Variants in NAV2 observed in about 807,000 individuals in gnomAD.
NAV2 encodes neuron navigator 2.
In NAV2, 54 loss-of-function variants were observed where a neutral mutation model predicts 223.2. That is an observed-to-expected ratio of 0.24 (90% CI 0.19 to 0.30). NAV2 has a LOEUF of 0.30. NAV2 is among the 10% of genes least tolerant of loss of function. The probability of loss-of-function intolerance (pLI) is 1.00; values close to 1 mark genes in which losing one functional copy is unlikely to be tolerated. For synonymous variants in NAV2, 1,279 were observed against 1,239.3 expected (o/e 1.03, Z -0.67); for missense variants, 2,806 against 3,147.5 (o/e 0.89, Z 2.60).
chr11:19,973,656 C>A (rs193225382), intron 10 of NAV2, among the ~76,000 whole-genome samples: 2 of 152,102 alleles, frequency 1.3e-5, no homozygotes, highest in African/African-American at 4.8e-5. Flanking sequence ...TGAGCCACTG[C>A]GGAATTGGTT....
At chr11:19,410,439 T>C (rs919999922) in intron 1 of NAV2, among the ~76,000 whole-genome samples, 6 of 152,194 alleles carry the variant, frequency 3.9e-5, no homozygotes, top group Non-Finnish European at 8.8e-5. Flanking sequence ...GCAGTTATTA[T>C]CTCTATTTTA....
At chr11:19,354,942 A>G (rs1853530735) in intron 1 of NAV2, among the ~76,000 whole-genome samples, 1 of 152,194 alleles carries the variant, frequency 6.6e-6, no homozygotes. Context: ...GGTGCCACAT[A>G]TAGATGGTAG....
At chr11:19,955,152 A>G (rs1051543297) in intron 10 of NAV2, among the ~76,000 whole-genome samples, 1 of 152,110 alleles carries the variant, frequency 6.6e-6, no homozygotes, top group African/African-American at 2.4e-5. Flanking sequence ...CACATCTGCA[A>G]TCCCAGCACT....
chr11:19,382,893 A>G (rs1042313632), intron 1 of NAV2, among the ~76,000 whole-genome samples: 2 of 152,154 alleles, frequency 1.3e-5, no homozygotes, highest in African/African-American at 4.8e-5. Context: ...GTGCTTGATC[A>G]TTTACTATAC....
intron 1 of NAV2, among the ~76,000 whole-genome samples, chr11:19,567,308 G>A (rs1291305764): frequency 2.6e-5 from 4 of 152,216 alleles, no homozygotes; most frequent in Non-Finnish European, 5.9e-5. Context: ...GAAGGGAAGT[G>A]TAGTTTGCAT....
chr11:19,394,202 A>G (rs1349398126), intron 1 of NAV2, among the ~76,000 whole-genome samples: 2 of 152,166 alleles, frequency 1.3e-5, no homozygotes, highest in Non-Finnish European at 2.9e-5. Context: ...TTTTGGCCCA[A>G]TGGTGTCTCA....
intron 1 of NAV2, among the ~76,000 whole-genome samples, chr11:19,675,040 T>C (rs1352938381): frequency 6.6e-6 from 1 of 152,156 alleles, no homozygotes; most frequent in Non-Finnish European, 1.5e-5. Context: ...CCTCAGGACC[T>C]CCAGAGACCT....
chr11:20,023,699 G>GGT (rs374769800), intron 11 of NAV2, among the ~76,000 whole-genome samples: 5,215 of 144,616 alleles, frequency 0.036, 167 homozygotes, highest in African/African-American at 0.088. Flanking sequence ...CAAATTGCTG[G>GGT]GTGTGTGTGT....
At chr11:20,044,691 G>A (rs1019597530) in intron 13 of NAV2, among the ~76,000 whole-genome samples, 2 of 152,178 alleles carry the variant, frequency 1.3e-5, no homozygotes, top group Non-Finnish European at 2.9e-5. Context: ...GATCAGGAAA[G>A]GCAGGGGGTT....
At chr11:19,769,251 G>T (rs55675526) in intron 1 of NAV2, among the ~76,000 whole-genome samples, 1 of 152,156 alleles carries the variant, frequency 6.6e-6, no homozygotes, top group African/African-American at 2.4e-5. Context: ...GAGGACCTCC[G>T]TACTGGTTCT....
chr11:19,834,484 T>C (rs2060128230), intron 2 of NAV2, among the ~76,000 whole-genome samples: 1 of 152,188 alleles, frequency 6.6e-6, no homozygotes. Flanking sequence ...CACCAATGTG[T>C]TCCAGTTCTG....
At position 19,692,740 on chromosome 11, in the gene NAV2, C is replaced by T. The variant is rs182294354; in HGVS notation, c.76-139744C>T. Among the ~76,000 whole-genome samples the T allele has an allele frequency of 3.3e-5, 5 of 152,306 alleles. No individual in the cohort carries two copies. In the East Asian group the frequency reaches 9.6e-4, roughly 29 times the overall value. On this transcript the variant is annotated intron_variant, in intron 1 of 37. Coordinates refer to the NAV2 transcript ENST00000360655. ...GCAAATATGCATTGAGTACCTGTCA[C>T]AAGCCAGGCATCGTTCTAGACTCAG...
At chr11:19,880,167 C>T in intron 5 of NAV2, 40 bp downstream of exon 5, 1 of 1,510,932 alleles carries the variant, frequency 6.6e-7, no homozygotes, top group South Asian at 1.3e-5. Context: ...GTTTTTCAGG[C>T]ACCTTCCTCC....
intron 10 of NAV2, among the ~76,000 whole-genome samples, chr11:19,963,264 C>G (rs1031022200): frequency 1.3e-5 from 2 of 152,284 alleles, no homozygotes; most frequent in African/African-American, 4.8e-5. Context: ...TTTCTCGTCC[C>G]AGTTTTACAA....
chr11:19,885,169 G>C (rs1288611137), intron 5 of NAV2, among the ~76,000 whole-genome samples: 1 of 152,190 alleles, frequency 6.6e-6, no homozygotes, highest in Admixed American at 6.5e-5. Context: ...CCTCATGCCA[G>C]GCTTCATGAG....
intron 1 of NAV2, among the ~76,000 whole-genome samples, chr11:19,715,366 C>T (rs1252733868): frequency 2.0e-5 from 3 of 152,172 alleles, no homozygotes; most frequent in South Asian, 2.1e-4. Context: ...TCTGTTGTTA[C>T]GTACAGGATT....
intron 19 of NAV2, among the ~76,000 whole-genome samples, chr11:20,060,335 C>T (rs914282900): frequency 6.6e-5 from 10 of 152,230 alleles, no homozygotes; most frequent in African/African-American, 2.4e-4. Flanking sequence ...TTGTCTGTGT[C>T]GTAAGCTGAA....
intron 1 of NAV2, among the ~76,000 whole-genome samples, chr11:19,413,203 C>T (rs894906589): frequency 1.3e-5 from 2 of 151,994 alleles, no homozygotes; most frequent in South Asian, 2.1e-4. Flanking sequence ...GAATTGGTAA[C>T]GAGAATAACC....
At chr11:19,681,450 G>C (rs1334996641) in intron 1 of NAV2, among the ~76,000 whole-genome samples, 3 of 146,044 alleles carry the variant, frequency 2.1e-5, no homozygotes, top group Non-Finnish European at 4.4e-5. Context: ...CTGCAATTTG[G>C]GGGTAATTGC....
Sources: allele counts gnomAD v4.1 joint callset (sites outside exome capture counted in the v4.1 genomes callset), GRCh38; gene constraint gnomAD v4.1.1; transcripts MANE v1.5; gene names NCBI Gene and HGNC (gene_info 2026-07-23, HGNC 2026-07-21).